The following HLCS variants were observed in gnomAD, a reference collection of about 807,000 sequenced individuals.
The protein encoded by HLCS is holocarboxylase synthetase.
Under a neutral mutation model 75.0 loss-of-function variants are expected in HLCS, and 53 were observed. That is an observed-to-expected ratio of 0.71 (90% confidence interval 0.57 to 0.89). The LOEUF (loss-of-function observed/expected upper bound fraction) is 0.89, where lower values mean the gene tolerates loss of function less well. HLCS is among the 40% of genes least tolerant of loss of function. The pLI is 0.00. For missense variants in HLCS, 966 were observed against 1,074.0 expected (o/e 0.90, Z 1.41); for synonymous variants, 431 against 428.6 (o/e 1.01, Z -0.07).
chr21:36,963,771 C>T (rs2068430974), intron 1 of HLCS, among the ~76,000 whole-genome samples: 1 of 152,134 alleles, frequency 6.6e-6, no homozygotes, highest in Non-Finnish European at 1.5e-5. Flanking sequence ...AGTATGTCCA[C>T]TTTATCCAAG....
intron 1 of HLCS, among the ~76,000 whole-genome samples, chr21:36,977,540 T>G (rs1186941644): frequency 6.6e-6 from 1 of 152,204 alleles, no homozygotes; most frequent in East Asian, 1.9e-4. Context: ...GTCAAATAAA[T>G]GAATGTGGAA....
chr21:36,814,303 T>C (rs2061596268), intron 6 of HLCS, among the ~76,000 whole-genome samples: 2 of 152,228 alleles, frequency 1.3e-5, no homozygotes, highest in African/African-American at 2.4e-5. Flanking sequence ...CTATGGTCAC[T>C]GTCTCCCCAA....
At chr21:36,965,680 G>A (rs1170591582) in intron 1 of HLCS, among the ~76,000 whole-genome samples, 1 of 152,074 alleles carries the variant, frequency 6.6e-6, no homozygotes, top group Non-Finnish European at 1.5e-5. Flanking sequence ...TTGTAAATTT[G>A]GGGACATCTG....
At chr21:36,929,789 G>A (rs73905405) in intron 5 of HLCS, among the ~76,000 whole-genome samples, 5,971 of 152,278 alleles carry the variant, frequency 0.039, 250 homozygotes, top group African/African-American at 0.11. Context: ...GAGAATTCCC[G>A]AACACATTCC....
chr21:36,813,103 T>C (rs2061558660), intron 6 of HLCS, among the ~76,000 whole-genome samples: 1 of 152,196 alleles, frequency 6.6e-6, no homozygotes, highest in Non-Finnish European at 1.5e-5. Flanking sequence ...CTTGGGTCCC[T>C]GTTTTCTGGC....
At chr21:36,811,438 C>G (rs1010817070) in intron 6 of HLCS, among the ~76,000 whole-genome samples, 6 of 152,184 alleles carry the variant, frequency 3.9e-5, no homozygotes, top group Non-Finnish European at 8.8e-5. Context: ...AGGCGGACAC[C>G]TCTGCCTCCA....
chr21:36,903,899 C>T (rs936605794), intron 5 of HLCS, among the ~76,000 whole-genome samples: 3 of 152,088 alleles, frequency 2.0e-5, no homozygotes, highest in African/African-American at 7.2e-5. Context: ...ATGGGGTCAT[C>T]AGGGTAGGGC....
chr21:36,869,353 C>G (rs987057296), intron 6 of HLCS, among the ~76,000 whole-genome samples: 1 of 152,120 alleles, frequency 6.6e-6, no homozygotes, highest in Non-Finnish European at 1.5e-5. Flanking sequence ...AGGATGATCT[C>G]GATCTCCTGA....
intron 6 of HLCS, among the ~76,000 whole-genome samples, chr21:36,850,791 T>C (rs1211317734): frequency 6.6e-6 from 1 of 152,164 alleles, no homozygotes; most frequent in Non-Finnish European, 1.5e-5. Context: ...ATTCTTGCCC[T>C]CAAATGTTCA....
rs1160107001 is a variant in HLCS at position 36,948,148 on chromosome 21, G to A, written c.331-9154C>T. On this transcript the variant is annotated intron_variant, in intron 2 of 10. Transcript: ENST00000674895. ...TCTACTAAAAATACAAAAATTAGCC[G>A]GGCATGGTAGCGTGCACCTGTAGTC... 8 of 175,120 alleles carry A rather than the reference G, an allele frequency of 4.6e-5. No individual in the cohort carries two copies. In the East Asian group the frequency reaches 7.6e-4, roughly 17 times the overall value. The allele number at this position is 175,120 out of a possible 1,614,324, so 10.8% of individuals were successfully genotyped here.
At chr21:36,754,495 T>C (rs1444727515) in intron 10 of HLCS, 78 bp from the exon 11 acceptor site, 1 of 1,466,250 alleles carries the variant, frequency 6.8e-7, no homozygotes, top group Non-Finnish European at 9.3e-7. Context: ...GAATAATCCA[T>C]GATGAGAGAG....
At position 36,750,217 on chromosome 21, in the gene HLCS, T is replaced by C. The variant is rs2089324641; in HGVS notation, c.*4029A>G. Among the ~76,000 whole-genome samples, 1 of 152,104 alleles carries C rather than the reference T, an allele frequency of 6.6e-6. No homozygotes were observed. Among genetic ancestry groups the C allele is most frequent in the Non-Finnish European group, 1.5e-5 (1 of 68,024 alleles). ...GCATTTTAATACATATGCCTCTCTT[T>C]TACAAAAAAGAAAAAAAAATCATCG... On this transcript the variant is annotated 3_prime_UTR_variant, in exon 11 of 11. Transcript: ENST00000674895.
At chr21:36,774,298 T>C (rs1050924148) in intron 6 of HLCS, among the ~76,000 whole-genome samples, 1 of 152,264 alleles carries the variant, frequency 6.6e-6, no homozygotes, top group Non-Finnish European at 1.5e-5. Flanking sequence ...CAAGGAACTT[T>C]AGAAACATCA....
intron 6 of HLCS, among the ~76,000 whole-genome samples, chr21:36,892,436 C>T (rs543729681): frequency 1.3e-5 from 2 of 152,310 alleles, no homozygotes; most frequent in African/African-American, 4.8e-5. Context: ...CAGTGTGGCA[C>T]ATGGTGTGCT....
At chr21:36,817,515 C>G (rs2145986116) in intron 6 of HLCS, among the ~76,000 whole-genome samples, 1 of 152,220 alleles carries the variant, frequency 6.6e-6, no homozygotes, top group Middle Eastern at 3.4e-3. Flanking sequence ...CTCACCTATC[C>G]TCCACCCACC....
At chr21:36,848,023 C>T (rs966328021) in intron 6 of HLCS, among the ~76,000 whole-genome samples, 10 of 152,148 alleles carry the variant, frequency 6.6e-5, no homozygotes, top group African/African-American at 2.4e-4. Flanking sequence ...ATTAACCTCC[C>T]ATTATTAAAC....
chr21:36,798,445 A>G (rs2145908967), intron 6 of HLCS, among the ~76,000 whole-genome samples: 1 of 152,356 alleles, frequency 6.6e-6, no homozygotes, highest in Middle Eastern at 3.4e-3. Flanking sequence ...GGTTATTCAA[A>G]TAAAGCTGCT....
chr21:36,770,087 G>T (rs1400530090), intron 6 of HLCS, among the ~76,000 whole-genome samples: 1 of 149,238 alleles, frequency 6.7e-6, no homozygotes, highest in Non-Finnish European at 1.5e-5. Flanking sequence ...CAACGTGGAA[G>T]AAAGGCTTGC....
At chr21:36,866,865 C>A (rs1363703860) in intron 6 of HLCS, among the ~76,000 whole-genome samples, 2 of 143,250 alleles carry the variant, frequency 1.4e-5, no homozygotes, top group Admixed American at 7.0e-5. Context: ...TTTAAAGGTT[C>A]TGCTCTACTG....
Sources: gnomAD v4.1 joint callset for allele counts (sites outside exome capture counted in the v4.1 genomes callset) on GRCh38, gnomAD v4.1.1 for gene constraint, MANE v1.5 for transcripts, NCBI Gene and HGNC (gene_info 2026-07-23, HGNC 2026-07-21) for gene names.